The following AFG2A variants were observed in gnomAD, a reference collection of about 807,000 sequenced individuals.
The protein encoded by AFG2A is AAA ATPase AFG2A.
the AFG2A span, among the ~76,000 whole-genome samples, chr4:122,991,751 A>G: frequency 2.0e-5 from 3 of 152,164 alleles, no homozygotes; most frequent in Non-Finnish European, 4.4e-5. Flanking sequence ...CAAATTTACT[A>G]TTGAATTTTA....
the AFG2A span, among the ~76,000 whole-genome samples, chr4:123,302,615 A>C: frequency 6.6e-6 from 1 of 151,276 alleles, no homozygotes; most frequent in Admixed American, 6.6e-5. Flanking sequence ...AGGTCAAGCC[A>C]TGTGCTAACC....
chr4:123,032,579 C>G, the AFG2A span, among the ~76,000 whole-genome samples: 22 of 152,098 alleles, frequency 1.4e-4, no homozygotes, highest in Admixed American at 7.9e-4. Flanking sequence ...CTATGCCCGA[C>G]TAATTTTTGT....
At chr4:123,053,316 G>A in the AFG2A span, among the ~76,000 whole-genome samples, 1 of 152,242 alleles carries the variant, frequency 6.6e-6, no homozygotes, top group African/African-American at 2.4e-5. Context: ...TAGACCCAAG[G>A]CAGATACTCC....
the AFG2A span, among the ~76,000 whole-genome samples, chr4:122,980,432 T>C: frequency 1.3e-5 from 2 of 152,250 alleles, no homozygotes; most frequent in Non-Finnish European, 2.9e-5. Flanking sequence ...ATTGATTCCC[T>C]ATCTTGGATG....
the AFG2A span, among the ~76,000 whole-genome samples, chr4:123,021,178 T>C: frequency 6.6e-6 from 1 of 152,136 alleles, no homozygotes; most frequent in African/African-American, 2.4e-5. Flanking sequence ...TCCATACTTG[T>C]AACGGTACCT....
At chr4:123,130,061 A>G in the AFG2A span, among the ~76,000 whole-genome samples, 3 of 152,052 alleles carry the variant, frequency 2.0e-5, no homozygotes, top group Non-Finnish European at 2.9e-5. Context: ...CAGACTGAAG[A>G]GCAGTGGTGC....
chr4:123,292,067 A>C, the AFG2A span, among the ~76,000 whole-genome samples: 1 of 151,944 alleles, frequency 6.6e-6, no homozygotes, highest in Non-Finnish European at 1.5e-5. Context: ...CATTTCTTTT[A>C]ATTCTTGTTT....
At chr4:123,200,508 A>G in the AFG2A span, among the ~76,000 whole-genome samples, 6 of 152,324 alleles carry the variant, frequency 3.9e-5, no homozygotes, top group East Asian at 1.2e-3. Flanking sequence ...TGGCATACGC[A>G]ATCTGTTAAA....
the AFG2A span, among the ~76,000 whole-genome samples, chr4:123,308,554 T>C: frequency 2.0e-5 from 3 of 152,122 alleles, no homozygotes; most frequent in Non-Finnish European, 4.4e-5. Context: ...ATCCAGGTTG[T>C]GCACTCCTTA....
the AFG2A span, chr4:122,934,316 A>G: frequency 3.1e-6 from 5 of 1,614,078 alleles, no homozygotes; most frequent in Non-Finnish European, 3.4e-6. Context: ...GATCTGGAGG[A>G]TACCCAGATC....
the AFG2A span, among the ~76,000 whole-genome samples, chr4:123,063,305 G>T: frequency 2.0e-5 from 3 of 152,246 alleles, no homozygotes; most frequent in Admixed American, 1.3e-4. Context: ...GGAAAACAGA[G>T]AAAAATTTCA....
chr4:122,987,215 A>G, the AFG2A span, among the ~76,000 whole-genome samples: 2 of 152,170 alleles, frequency 1.3e-5, no homozygotes, highest in Non-Finnish European at 2.9e-5. Flanking sequence ...CAATCAAAAT[A>G]GAGCTGAAGA....
the AFG2A span, among the ~76,000 whole-genome samples, chr4:123,269,791 T>G: frequency 5.9e-5 from 9 of 152,162 alleles, no homozygotes; most frequent in Non-Finnish European, 1.3e-4. Context: ...ATGTCACCTT[T>G]GTAAAAGAAG....
chr4:123,261,960 A>G, the AFG2A span, among the ~76,000 whole-genome samples: 62 of 146,170 alleles, frequency 4.2e-4, no homozygotes, highest in Non-Finnish European at 7.0e-4. Context: ...TTTTAAAAAA[A>G]TTTGTAGACA....
chr4:123,006,353 G>T, the AFG2A span, among the ~76,000 whole-genome samples: 1 of 151,444 alleles, frequency 6.6e-6, no homozygotes, highest in African/African-American at 2.4e-5. Flanking sequence ...TAAGCAATTT[G>T]GTTATCATGT....
the AFG2A span, among the ~76,000 whole-genome samples, chr4:123,147,115 C>T: frequency 2.6e-5 from 4 of 152,120 alleles, no homozygotes; most frequent in African/African-American, 7.2e-5. Flanking sequence ...TACTCTAACA[C>T]TTAAATGCTG....
the AFG2A span, among the ~76,000 whole-genome samples, chr4:123,279,901 AG>A: frequency 1.3e-5 from 2 of 152,358 alleles, no homozygotes; most frequent in East Asian, 3.9e-4. Flanking sequence ...ACAATATAAA[AG>A]TGATACAACT....
At chr4:122,969,755 C>G in the AFG2A span, among the ~76,000 whole-genome samples, 1,756 of 152,180 alleles carry the variant, frequency 0.012, 14 homozygotes, top group Middle Eastern at 0.078. Context: ...TAATTTCCCT[C>G]CAGGTAGTTT....
At chr4:123,205,679 G>A in the AFG2A span, among the ~76,000 whole-genome samples, 34 of 152,152 alleles carry the variant, frequency 2.2e-4, 1 homozygote, top group South Asian at 6.4e-3. Context: ...ATCCTGGTGG[G>A]GGTTAGGGAG....
Sources: gnomAD v4.1 joint callset for allele counts (sites outside exome capture counted in the v4.1 genomes callset) on GRCh38, gnomAD v4.1.1 for gene constraint, MANE v1.5 for transcripts, NCBI Gene and HGNC (gene_info 2026-07-23, HGNC 2026-07-21) for gene names.